ARID4A: variants seen among roughly 807,000 people sequenced by gnomAD.
ARID4A encodes AT-rich interactive domain-containing protein 4A.
ARID4A carries 39 observed loss-of-function variants against 148.6 expected under a neutral mutation model. The ratio of observed to expected loss-of-function variants is 0.26; its 90% CI spans 0.20 to 0.34. ARID4A has a LOEUF of 0.34. Among genes scored for constraint, ARID4A ranks in the 10% least tolerant of loss-of-function variants. The probability of loss-of-function intolerance (pLI) is 1.00; values close to 1 mark genes in which losing one functional copy is unlikely to be tolerated. For synonymous variants in ARID4A, 475 were observed against 481.2 expected, an observed-to-expected ratio of 0.99 and a Z score of 0.17; for missense variants, 1,265 against 1,449.1, an observed-to-expected ratio of 0.87 and a Z score of 2.06.
At chr14:58,344,614 C>G in intron 11 of ARID4A, 81 bp from the exon 12 acceptor site, 1 of 980,198 alleles carries the variant, frequency 1.0e-6, no homozygotes, top group Non-Finnish European at 1.5e-6. Context: ...GATGACTTTA[C>G]ATTGGGTTCA....
chr14:58,323,495 G>A lies in ARID4A; in HGVS notation c.460G>A (p.Glu154Lys), dbSNP rs2033031447. Residue 154 changes from glutamate to lysine, a missense_variant, in exon 8 of 24, where the codon GAA becomes AAA. By Grantham distance (56) the Glu-to-Lys change is moderately conservative. This residue lies in a region of ARID4A where 249 missense variants were observed against 277.2 expected (regional missense o/e 0.90). Coordinates refer to ENST00000355431, the MANE Select transcript of ARID4A (RefSeq NM_002892.4). Reference protein sequence around the residue: ...RRSSLPVTEDEKEEESSEEED... With the variant: ...RRSSLPVTEDKKEEESSEEED... ...TATTCTAACTTTTAGTACTGAAGAT[G>A]AAAAGGAAGAAGAAAGCAGTGAAGA... 1.9e-6 allele frequency: 3 copies of A among 1,610,872 alleles called. No homozygotes were observed. The highest frequency in any genetic ancestry group is 1.7e-6 in the Non-Finnish European group (2 of 1,177,170).
intron 5 of ARID4A, among the ~76,000 whole-genome samples, chr14:58,312,774 G>T (rs1201023218): frequency 6.6e-6 from 1 of 152,110 alleles, no homozygotes; most frequent in Non-Finnish European, 1.5e-5. Flanking sequence ...TAGCTCATCA[G>T]TTAACTTTCT....
chr14:58,340,134 C>A (rs1044787156), intron 11 of ARID4A, among the ~76,000 whole-genome samples: 3 of 152,078 alleles, frequency 2.0e-5, no homozygotes, highest in Non-Finnish European at 4.4e-5. Flanking sequence ...AATGAATAAT[C>A]GTTCATTTTC....
chr14:58,358,764 CTAT>C (rs2035002428), intron 17 of ARID4A, among the ~76,000 whole-genome samples: 1 of 152,116 alleles, frequency 6.6e-6, no homozygotes, highest in South Asian at 2.1e-4. Context: ...ACTTAGCTTT[CTAT>C]TATTCATTCA....
At chr14:58,313,397 T>G (rs562205752) in intron 5 of ARID4A, among the ~76,000 whole-genome samples, 5 of 152,192 alleles carry the variant, frequency 3.3e-5, no homozygotes, top group Non-Finnish European at 5.9e-5. Context: ...CCCTCGCTTG[T>G]GCAGTTCACA....
Position 58,328,945 on chromosome 14 carries a change from A to G in ARID4A, c.663-583A>G, listed in dbSNP as rs565859500. On this transcript the variant is annotated intron_variant, in intron 9 of 23. Transcript: ENST00000355431. ...GAGGCAGAGGCTGCAGTGAGCCGAGATCGCGCCACTGCACTCCAGCCTGAC... is the reference window on the plus strand; with the variant it reads ...GAGGCAGAGGCTGCAGTGAGCCGAGGTCGCGCCACTGCACTCCAGCCTGAC... Among the ~76,000 whole-genome samples the G allele has an allele frequency of 2.6e-5, 4 of 151,794 alleles. No individual in the cohort carries two copies. In the South Asian group the frequency reaches 8.3e-4, roughly 32 times the overall value.
chr14:58,311,762 A>G (rs1312933153), intron 5 of ARID4A, among the ~76,000 whole-genome samples: 1 of 152,198 alleles, frequency 6.6e-6, no homozygotes, highest in Non-Finnish European at 1.5e-5. Flanking sequence ...ACTTTTAAAA[A>G]GAAGGAAATC....
At chr14:58,304,008 G>A (rs2031403808) in intron 3 of ARID4A, among the ~76,000 whole-genome samples, 1 of 151,966 alleles carries the variant, frequency 6.6e-6, no homozygotes. Context: ...CTACTTGGGA[G>A]GCTGAGGCAC....
intron 7 of ARID4A, among the ~76,000 whole-genome samples, chr14:58,322,389 T>G (rs979231007): frequency 5.3e-5 from 8 of 152,228 alleles, no homozygotes; most frequent in Non-Finnish European, 1.0e-4. Context: ...TGAAAACTCC[T>G]TCATACTTAT....
chr14:58,360,751 A>T, intron 18 of ARID4A, 150 bp from the exon 19 acceptor site: 2 of 803,902 alleles, frequency 2.5e-6, no homozygotes, highest in Non-Finnish European at 3.8e-6. Context: ...CCAGCCAGAA[A>T]ACTCTTCTTG....
intron 17 of ARID4A, among the ~76,000 whole-genome samples, chr14:58,354,121 A>G (rs1253658995): frequency 6.6e-6 from 1 of 152,128 alleles, no homozygotes; most frequent in Non-Finnish European, 1.5e-5. Flanking sequence ...AGCAAGGGGA[A>G]CCATAGGGCA....
At position 58,372,775 on chromosome 14, in the gene ARID4A, T is replaced by G. The variant is rs2035665256; in HGVS notation, c.*786T>G. ...GTTACAAAAAGACAAAAATGAAATA[T>G]ATAACAACAATGAAGTTATTTAACA... On this transcript the variant is annotated 3_prime_UTR_variant, in exon 24 of 24. Coordinates refer to ENST00000355431, the MANE Select transcript of ARID4A (RefSeq NM_002892.4). The G allele has an allele frequency of 5.5e-6, 1 of 181,618 alleles. No individual in the cohort carries two copies. The allele number at this position is 181,618 out of a possible 1,614,324, so 11.3% of individuals were successfully genotyped here.
chr14:58,362,338 C>T (rs2035169171), intron 19 of ARID4A, among the ~76,000 whole-genome samples: 1 of 152,086 alleles, frequency 6.6e-6, no homozygotes, highest in African/African-American at 2.4e-5. Context: ...CCTGTAATCC[C>T]AGCACCTTGG....
At chr14:58,345,928 A>T (rs1038112622) in intron 12 of ARID4A, among the ~76,000 whole-genome samples, 1 of 150,892 alleles carries the variant, frequency 6.6e-6, no homozygotes, top group Non-Finnish European at 1.5e-5. Context: ...TAGAGACAGG[A>T]TATCACCATG....
At chr14:58,322,214 C>T (rs559702182) in intron 7 of ARID4A, among the ~76,000 whole-genome samples, 1 of 152,160 alleles carries the variant, frequency 6.6e-6, no homozygotes, top group Non-Finnish European at 1.5e-5. Context: ...AAGGGATCCA[C>T]CCGCCTCGGC....
Position 58,299,696 on chromosome 14 carries a change from G to A in ARID4A, c.-57-102G>A. ...AGGGGTCTTGTCCCTTGGCTGGTGAGGATTCTGCCCCTCCCCGCTGGCGTT... is the reference window on the plus strand; with the variant it reads ...AGGGGTCTTGTCCCTTGGCTGGTGAAGATTCTGCCCCTCCCCGCTGGCGTT... On this transcript the variant is annotated intron_variant, in intron 1 of 23. Transcript: ENST00000355431. 5.1e-6 allele frequency: 5 copies of A among 984,402 alleles called. No homozygotes were observed. The South Asian group carries it at 5.8e-5, about 11-fold the overall frequency. 61.0% of individuals were successfully genotyped at this position (984,402 alleles called of 1,614,324 possible). A position where few individuals can be genotyped will look rare whatever the true frequency, so the allele number is the denominator to read the frequency against.
At chr14:58,356,304 C>T (rs2034862516) in intron 17 of ARID4A, among the ~76,000 whole-genome samples, 2 of 152,134 alleles carry the variant, frequency 1.3e-5, no homozygotes, top group Non-Finnish European at 2.9e-5. Flanking sequence ...CCTTTGTTAG[C>T]CCTGGATCAG....
chr14:58,344,012 A>T (rs2034237740), intron 11 of ARID4A, among the ~76,000 whole-genome samples: 1 of 152,130 alleles, frequency 6.6e-6, no homozygotes, highest in South Asian at 2.1e-4. Context: ...CTTCCCTAAG[A>T]ATTACTTCTG....
chr14:58,359,894 A>G (rs988419854), intron 18 of ARID4A, among the ~76,000 whole-genome samples: 5 of 152,004 alleles, frequency 3.3e-5, no homozygotes, highest in African/African-American at 7.2e-5. Context: ...GTGAAACCCC[A>G]TCTCTACTAA....
Sources: gnomAD v4.1 joint callset for allele counts (sites outside exome capture counted in the v4.1 genomes callset) on GRCh38, gnomAD v4.1.1 for gene constraint, gnomAD v4.1.1 regional missense constraint, MANE v1.5 for transcripts, NCBI Gene and HGNC (gene_info 2026-07-23, HGNC 2026-07-21) for gene names.